Variants in CHRM5 observed in about 807,000 individuals in gnomAD.
The protein encoded by CHRM5 is cholinergic receptor muscarinic 5.
Under a neutral mutation model 39.0 loss-of-function variants are expected in CHRM5, and 18 were observed. That is an observed-to-expected ratio of 0.46 (90% CI 0.32 to 0.68). CHRM5 has a LOEUF of 0.68. Among genes scored for constraint, CHRM5 ranks in the 30% least tolerant of loss-of-function variants. The pLI is 0.04. For missense variants in CHRM5, 515 were observed against 651.1 expected (o/e 0.79, Z 2.28); for synonymous variants, 241 against 246.3 (o/e 0.98, Z 0.20).
chr15:34,025,234 G>A (rs985523174), intron 1 of CHRM5, among the ~76,000 whole-genome samples: 2 of 152,166 alleles, frequency 1.3e-5, no homozygotes, highest in Non-Finnish European at 2.9e-5. Flanking sequence ...TATGAAGTGT[G>A]GGAGGGAAAT....
intron 1 of CHRM5, among the ~76,000 whole-genome samples, chr15:34,031,072 A>G (rs547416835): frequency 6.6e-6 from 1 of 152,216 alleles, no homozygotes; most frequent in South Asian, 2.1e-4. Context: ...TAAATACAAA[A>G]ATAGAGGAAT....
At chr15:34,032,023 GCACACACA>G (rs10643932) in intron 1 of CHRM5, among the ~76,000 whole-genome samples, 1 of 148,944 alleles carries the variant, frequency 6.7e-6, no homozygotes, top group Non-Finnish European at 1.5e-5. Flanking sequence ...GCGCGCACAC[GCACACACA>G]CACACACACA....
chr15:33,981,076 A>G (rs527834), intron 1 of CHRM5, among the ~76,000 whole-genome samples: 115,268 of 152,156 alleles, frequency 0.76, 48,705 homozygotes, highest in Non-Finnish European at 0.95. Flanking sequence ...TCACAACTTG[A>G]TTCCAAGACT....
At chr15:34,005,430 A>G (rs1021472027) in intron 1 of CHRM5, among the ~76,000 whole-genome samples, 2 of 146,914 alleles carry the variant, frequency 1.4e-5, no homozygotes, top group Non-Finnish European at 3.1e-5. Context: ...TATTATTTAC[A>G]GATTTTTTTT....
chr15:33,978,750 C>T (rs1480109997), intron 1 of CHRM5, among the ~76,000 whole-genome samples: 2 of 152,034 alleles, frequency 1.3e-5, no homozygotes, highest in African/African-American at 2.4e-5. Context: ...AAACAGAATT[C>T]GGCCTTACTT....
At chr15:34,002,541 G>A (rs927423591) in intron 1 of CHRM5, among the ~76,000 whole-genome samples, 2 of 152,002 alleles carry the variant, frequency 1.3e-5, no homozygotes, top group South Asian at 4.2e-4. Flanking sequence ...TTTATTGACA[G>A]AGAAGACTAT....
chr15:34,005,605 A>AG (rs2140638595), intron 1 of CHRM5, among the ~76,000 whole-genome samples: 1 of 152,344 alleles, frequency 6.6e-6, no homozygotes, highest in South Asian at 2.1e-4. Context: ...GATGGACCAC[A>AG]GGGTTTGGAT....
At chr15:33,973,588 TC>T (rs1354531280) in intron 1 of CHRM5, among the ~76,000 whole-genome samples, 1 of 152,102 alleles carries the variant, frequency 6.6e-6, no homozygotes, top group Non-Finnish European at 1.5e-5. Context: ...CAACCTGTAA[TC>T]CCAGCACTCT....
intron 2 of CHRM5, among the ~76,000 whole-genome samples, chr15:34,049,368 T>A (rs1899846071): frequency 6.6e-6 from 1 of 152,158 alleles, no homozygotes; most frequent in Non-Finnish European, 1.5e-5. Context: ...ATAACAGACC[T>A]AATGGTGCTG....
chr15:33,983,175 TATACACAC>T (rs778961951), intron 1 of CHRM5, among the ~76,000 whole-genome samples: 146 of 124,276 alleles, frequency 1.2e-3, no homozygotes, highest in East Asian at 3.4e-3. Context: ...TGTGTGTATA[TATACACAC>T]GTGTGTGTAT....
chr15:34,063,911 C>T lies in CHRM5; in HGVS notation c.1194C>T (p.His398=). Reference sequence around the variant, plus strand: ...ACCAGGAGACCAACAATGGCTGTCACAAGGTGAAAATCATGCCCTGCCCCT... The same window carrying T: ...ACCAGGAGACCAACAATGGCTGTCATAAGGTGAAAATCATGCCCTGCCCCT... ...DGNQETNNGC[H]KVKIMPCPFP... is the part of the protein sequence containing the mutation. The change falls in exon 3 of 3, where the codon CAC becomes CAT. Residue 398 remains histidine, a synonymous_variant. Coordinates refer to ENST00000383263, the MANE Select transcript of CHRM5 (RefSeq NM_012125.4). The surrounding 1 kb of genome is among the most constrained non-coding windows in gnomAD (Gnocchi z 4.1). 1 of 1,614,198 alleles carries T rather than the reference C, an allele frequency of 6.2e-7. No homozygotes were observed. Among genetic ancestry groups the T allele is most frequent in the Non-Finnish European group, 8.5e-7 (1 of 1,180,036 alleles).
At chr15:34,032,162 T>C (rs1367375817) in intron 1 of CHRM5, among the ~76,000 whole-genome samples, 2 of 152,170 alleles carry the variant, frequency 1.3e-5, no homozygotes, top group African/African-American at 4.8e-5. Flanking sequence ...TTGCTCCCTT[T>C]GATACTTCAA....
intron 1 of CHRM5, among the ~76,000 whole-genome samples, chr15:33,984,471 C>T (rs564615405): frequency 8.6e-4 from 131 of 151,718 alleles, no homozygotes; most frequent in African/African-American, 3.0e-3. Flanking sequence ...GGCATGATCT[C>T]GGCTCACTGC....
At chr15:34,034,783 G>A (rs1899039392) in intron 1 of CHRM5, among the ~76,000 whole-genome samples, 1 of 152,222 alleles carries the variant, frequency 6.6e-6, no homozygotes. Flanking sequence ...GCAGCAGGAG[G>A]AGAGGTCAAT....
intron 1 of CHRM5, among the ~76,000 whole-genome samples, chr15:33,978,382 G>A (rs1895983610): frequency 6.6e-6 from 1 of 152,170 alleles, no homozygotes. Context: ...AAAGCGTACA[G>A]GCCGGGCACG....
intron 1 of CHRM5, among the ~76,000 whole-genome samples, chr15:34,027,594 T>C (rs1401429700): frequency 6.6e-6 from 1 of 151,526 alleles, no homozygotes. Flanking sequence ...CCAGCATCCT[T>C]GGATCCACTA....
chr15:34,046,273 TC>T (rs1442904600), intron 1 of CHRM5, among the ~76,000 whole-genome samples: 1 of 151,422 alleles, frequency 6.6e-6, no homozygotes, highest in Non-Finnish European at 1.5e-5. Context: ...ATGTTCCAAA[TC>T]TTTTTGTGGA....
chr15:34,037,007 G>C (rs1265999158), intron 1 of CHRM5, among the ~76,000 whole-genome samples: 3 of 152,038 alleles, frequency 2.0e-5, no homozygotes, highest in Non-Finnish European at 1.5e-5. Flanking sequence ...TACTTGGGAG[G>C]CTGAGGCAGG....
At chr15:33,978,995 T>C (rs992409133) in intron 1 of CHRM5, among the ~76,000 whole-genome samples, 1 of 152,130 alleles carries the variant, frequency 6.6e-6, no homozygotes, top group Non-Finnish European at 1.5e-5. Flanking sequence ...AAATGGGACC[T>C]ACTGGCTCAT....
Sources: allele counts gnomAD v4.1 joint callset (sites outside exome capture counted in the v4.1 genomes callset), GRCh38; gene constraint gnomAD v4.1.1; non-coding constraint Gnocchi (gnomAD v3.1); transcripts MANE v1.5; gene names NCBI Gene and HGNC (gene_info 2026-07-23, HGNC 2026-07-21).